PRKAG2: variants seen among roughly 807,000 people sequenced by gnomAD.
PRKAG2 encodes the protein protein kinase AMP-activated non-catalytic subunit gamma 2, also known as 5'-AMP-activated protein kinase subunit gamma-2.
Under a neutral mutation model 69.6 loss-of-function variants are expected in PRKAG2, and 26 were observed. The ratio of observed to expected loss-of-function variants is 0.37; its 90% CI spans 0.27 to 0.52. PRKAG2 has a LOEUF of 0.52. Among genes scored for constraint, PRKAG2 ranks in the 20% least tolerant of loss-of-function variants. PRKAG2 has a pLI of 0.90. For synonymous variants in PRKAG2, 293 were observed against 285.0 expected, an observed-to-expected ratio of 1.03 and a Z score of -0.28; for missense variants, 557 against 740.0, an observed-to-expected ratio of 0.75 and a Z score of 2.87.
At chr7:151,809,399 G>A (rs2078299405) in intron 1 of PRKAG2, 1 of 370,998 alleles carries the variant, frequency 2.7e-6, no homozygotes, top group Non-Finnish European at 5.4e-6. Flanking sequence ...CGCTCCACCT[G>A]GCGAGCTTCG....
intron 1 of PRKAG2, among the ~76,000 whole-genome samples, chr7:151,800,890 A>G (rs1470483770): frequency 2.0e-5 from 3 of 152,208 alleles, no homozygotes; most frequent in Admixed American, 2.0e-4. Flanking sequence ...GAGGTGCCAC[A>G]GTAATGCCAG....
chr7:151,595,259 G>T, intron 6 of PRKAG2, 86 bp downstream of exon 6: 1 of 926,630 alleles, frequency 1.1e-6, no homozygotes, highest in Non-Finnish European at 1.7e-6. Context: ...ATAAACGTTT[G>T]CTGGCATTGC....
At chr7:151,695,979 G>A (rs968573944) in intron 3 of PRKAG2, among the ~76,000 whole-genome samples, 3 of 152,126 alleles carry the variant, frequency 2.0e-5, no homozygotes, top group Non-Finnish European at 2.9e-5. Flanking sequence ...GTGTTTACAC[G>A]ACACCAGCTC....
intron 3 of PRKAG2, among the ~76,000 whole-genome samples, chr7:151,740,188 G>A (rs1361102390): frequency 6.6e-6 from 1 of 152,200 alleles, no homozygotes; most frequent in East Asian, 1.9e-4. Flanking sequence ...CCTCCTCCCG[G>A]GCTGCTGGTT....
chr7:151,558,478 T>A (rs1278555323), intron 15 of PRKAG2: 1 of 982,848 alleles, frequency 1.0e-6, no homozygotes. Context: ...CTGAAGAAAT[T>A]GGGGCTGAAG....
intron 1 of PRKAG2, among the ~76,000 whole-genome samples, chr7:151,869,787 G>A (rs12669153): frequency 0.62 from 93,716 of 152,194 alleles, 29,800 homozygotes; most frequent in Non-Finnish European, 0.72. Flanking sequence ...GCTGCAGAGC[G>A]GCAACCAAGC....
At chr7:151,731,723 G>A (rs1414348606) in intron 3 of PRKAG2, among the ~76,000 whole-genome samples, 1 of 152,196 alleles carries the variant, frequency 6.6e-6, no homozygotes, top group Non-Finnish European at 1.5e-5. Context: ...TGGATGGGAG[G>A]GACCTGTGCC....
At chr7:151,801,905 C>T (rs1160353561) in intron 1 of PRKAG2, among the ~76,000 whole-genome samples, 2 of 152,178 alleles carry the variant, frequency 1.3e-5, no homozygotes, top group Non-Finnish European at 2.9e-5. Context: ...GGTTAAAAGT[C>T]GTCGTCTCTT....
chr7:151,643,093 C>A (rs1255586560), intron 4 of PRKAG2, among the ~76,000 whole-genome samples: 1 of 152,180 alleles, frequency 6.6e-6, no homozygotes, highest in Non-Finnish European at 1.5e-5. Flanking sequence ...ACATCTCTTG[C>A]CTTTCACAAA....
intron 5 of PRKAG2, among the ~76,000 whole-genome samples, chr7:151,608,044 C>A (rs6949815): frequency 0.022 from 3,329 of 152,234 alleles, 126 homozygotes; most frequent in African/African-American, 0.075. Context: ...GAAGATGCAG[C>A]GCGGCACGGA....
rs536105914 is a variant in PRKAG2 at position 151,783,912 on chromosome 7, C to CAAA, written c.187-2484_187-2482dup. On this transcript the variant is annotated intron_variant, in intron 2 of 15. Coordinates refer to ENST00000287878, the MANE Select transcript of PRKAG2 (RefSeq NM_016203.4). ...TTGGGTACAGAGCAAGACCCTGTCT[C>CAAA]AAAAAAAAAAAAAAAAAAAAAAAAA... Among the ~76,000 whole-genome samples, 179 of 28,932 alleles carry CAAA rather than the reference C, an allele frequency of 6.2e-3. 3 individuals are homozygous for CAAA. The highest frequency in any genetic ancestry group is 0.019 in the African/African-American group (163 of 8,542). The allele number at this position is 28,932 out of a possible 152,430, so 19.0% of individuals were successfully genotyped here. A position where few individuals can be genotyped will look rare whatever the true frequency, so the allele number is the denominator to read the frequency against.
intron 5 of PRKAG2, among the ~76,000 whole-genome samples, chr7:151,629,243 T>C (rs1006336777): frequency 2.0e-5 from 3 of 152,168 alleles, no homozygotes; most frequent in African/African-American, 7.2e-5. Flanking sequence ...ACAGAAAAAG[T>C]TGGCCGGCCC....
chr7:151,653,677 A>G (rs944499412), intron 4 of PRKAG2, among the ~76,000 whole-genome samples: 5 of 152,264 alleles, frequency 3.3e-5, no homozygotes, highest in Admixed American at 6.5e-5. Flanking sequence ...CCAAGTCTCT[A>G]CTAGAAATAC....
rs759108059 is a variant in PRKAG2, at chr7:151,615,870, T to C, written c.754+16199A>G. On this transcript the variant is annotated intron_variant, in intron 5 of 15. Coordinates refer to ENST00000287878, the MANE Select transcript of PRKAG2 (RefSeq NM_016203.4). ...CAAATCAAAACCCTTGATTCTCTAA[T>C]GATGTTGCTGCACCTTCAACACCAC... 1.9e-4 allele frequency among the ~76,000 whole-genome samples: 29 copies of C among 152,256 alleles called. 1 individual carries two copies. Among genetic ancestry groups the C allele is most frequent in the Admixed American group, 6.5e-4 (10 of 15,282 alleles).
At chr7:151,792,117 A>G (rs2077295287) in intron 1 of PRKAG2, among the ~76,000 whole-genome samples, 1 of 152,212 alleles carries the variant, frequency 6.6e-6, no homozygotes. Flanking sequence ...TTGGTATCAG[A>G]GGCTATAAAA....
At position 151,841,178 on chromosome 7, in the gene PRKAG2, G is replaced by A. The variant is rs550950989; in HGVS notation, c.114+35329C>T. ...AATTTTTTTATTTTTTGTAGAGACA[G>A]GGTTTCCCTATGTTGCCATGGCTGG... On this transcript the variant is annotated intron_variant, in intron 1 of 15. Transcript: ENST00000287878. 2.0e-5 allele frequency among the ~76,000 whole-genome samples: 3 copies of A among 152,262 alleles called. No individual in the cohort carries two copies. The East Asian group carries it at 5.8e-4, about 29-fold the overall frequency.
chr7:151,805,218 G>A (rs540014864), intron 1 of PRKAG2, among the ~76,000 whole-genome samples: 63 of 152,262 alleles, frequency 4.1e-4, no homozygotes, highest in African/African-American at 1.4e-3. Context: ...TGTCTGCCGC[G>A]GGTGAAACCA....
intron 1 of PRKAG2, among the ~76,000 whole-genome samples, chr7:151,808,170 A>C (rs2078219443): frequency 6.6e-6 from 1 of 152,238 alleles, no homozygotes; most frequent in South Asian, 2.1e-4. Context: ...AGCACCAGAG[A>C]TTGGTGATGC....
chr7:151,812,061 A>C (rs530386485), intron 1 of PRKAG2, among the ~76,000 whole-genome samples: 115 of 148,306 alleles, frequency 7.8e-4, no homozygotes, highest in African/African-American at 2.8e-3. Context: ...CAGATGCCTA[A>C]TAATCAATCA....
Sources: gnomAD v4.1 joint callset for allele counts (sites outside exome capture counted in the v4.1 genomes callset) on GRCh38, gnomAD v4.1.1 for gene constraint, MANE v1.5 for transcripts, NCBI Gene and HGNC (gene_info 2026-07-23, HGNC 2026-07-21) for gene names.